The following SDK2 variants were observed in gnomAD, a reference collection of about 807,000 sequenced individuals.
SDK2 encodes the protein protein sidekick-2.
Under a neutral mutation model 253.9 loss-of-function variants are expected in SDK2, and 105 were observed. The ratio of observed to expected loss-of-function variants is 0.41; its 90% CI spans 0.35 to 0.49. The LOEUF (loss-of-function observed/expected upper bound fraction) is 0.49. Ranked by LOEUF, SDK2 falls within the 20% of genes least tolerant of loss-of-function variation. The pLI is 0.06. For missense variants in SDK2, 2,608 were observed against 3,003.0 expected, an observed-to-expected ratio of 0.87 and a Z score of 3.07; for synonymous variants, 1,249 against 1,234.9, an observed-to-expected ratio of 1.01 and a Z score of -0.24.
intron 44 of SDK2, among the ~76,000 whole-genome samples, chr17:73,346,221 A>G (rs979258725): frequency 1.3e-5 from 2 of 151,994 alleles, no homozygotes; most frequent in Admixed American, 6.6e-5. Flanking sequence ...GAAAAAAAAA[A>G]AAAAAGAAAA....
chr17:73,433,402 C>T (rs188246285), intron 10 of SDK2, among the ~76,000 whole-genome samples: 33 of 152,268 alleles, frequency 2.2e-4, no homozygotes, highest in African/African-American at 7.2e-4. Context: ...CCTATCTCAG[C>T]CCCTTCCCCA....
intron 2 of SDK2, among the ~76,000 whole-genome samples, chr17:73,489,186 C>T (rs941797980): frequency 6.6e-6 from 1 of 152,214 alleles, no homozygotes; most frequent in African/African-American, 2.4e-5. Context: ...GCTGCTGCCA[C>T]ACTTGGCTTA....
rs2046424622 is a variant in SDK2, at chr17:73,643,530, G to C, written c.64+495C>G. On this transcript the variant is annotated intron_variant, in intron 1 of 44. Coordinates refer to ENST00000392650, the MANE Select transcript of SDK2 (RefSeq NM_001144952.2). The surrounding 1 kb of genome is among the most constrained non-coding windows in gnomAD (Gnocchi z 6.9). ...GCCAAGCCGGGCAATTGCTCTCCCC[G>C]GGCGAGCAACCCGGCATCCAGCGCT... 6.6e-6 allele frequency among the ~76,000 whole-genome samples: 1 copy of C among 152,068 alleles called. No homozygotes were observed. The highest frequency in any genetic ancestry group is 2.4e-5 in the African/African-American group (1 of 41,434).
chr17:73,416,224 T>C (rs1293383981), intron 16 of SDK2, among the ~76,000 whole-genome samples: 1 of 57,102 alleles, frequency 1.8e-5, no homozygotes, highest in Non-Finnish European at 3.8e-5. Flanking sequence ...TGAGACGGAG[T>C]CTTGTTCTGT....
At chr17:73,634,992 T>G (rs938838149) in intron 1 of SDK2, among the ~76,000 whole-genome samples, 7 of 147,564 alleles carry the variant, frequency 4.7e-5, no homozygotes, top group African/African-American at 1.8e-4. Context: ...AGGTTTCTAT[T>G]TTTTTTTTTT....
At chr17:73,619,347 G>C (rs1398776135) in intron 1 of SDK2, among the ~76,000 whole-genome samples, 1 of 152,018 alleles carries the variant, frequency 6.6e-6, no homozygotes, top group African/African-American at 2.4e-5. Context: ...CCCTCCAGCA[G>C]AAATCAAAAC....
At chr17:73,500,562 C>T (rs1298896538) in intron 2 of SDK2, among the ~76,000 whole-genome samples, 1 of 150,590 alleles carries the variant, frequency 6.6e-6, no homozygotes, top group East Asian at 2.0e-4. Context: ...TCATCCTTCT[C>T]CATCCTCCCT....
chr17:73,511,455 C>T lies in SDK2; in HGVS notation c.65-3858G>A, dbSNP rs1193209324. Among the ~76,000 whole-genome samples, 2 of 152,220 alleles carry T rather than the reference C, an allele frequency of 1.3e-5. No homozygotes were observed. The highest frequency in any genetic ancestry group is 2.4e-5 in the African/African-American group (1 of 41,446). Reference sequence around the variant, plus strand: ...CGCGTTTGCCAGTTCATTCTTCAAGCCCTCCCGGGGGTGCCAGCCTGCAGC... The same window carrying T: ...CGCGTTTGCCAGTTCATTCTTCAAGTCCTCCCGGGGGTGCCAGCCTGCAGC... On this transcript the variant is annotated intron_variant, in intron 1 of 44. Transcript: ENST00000392650. The surrounding 1 kb of genome is among the most constrained non-coding windows in gnomAD (Gnocchi z 4.9).
chr17:73,509,662 G>A (rs2063963322), intron 1 of SDK2, among the ~76,000 whole-genome samples: 1 of 150,710 alleles, frequency 6.6e-6, no homozygotes, highest in Non-Finnish European at 1.5e-5. Context: ...AAGTTGGGAG[G>A]CTGAGGCAGG....
chr17:73,370,193 A>G (rs1275222285), intron 36 of SDK2, among the ~76,000 whole-genome samples: 3 of 152,202 alleles, frequency 2.0e-5, no homozygotes, highest in Non-Finnish European at 2.9e-5. Flanking sequence ...GGCAGTTAGG[A>G]CATCTTGTTA....
chr17:73,364,226 A>T (rs1211382381), intron 38 of SDK2, among the ~76,000 whole-genome samples: 1 of 152,150 alleles, frequency 6.6e-6, no homozygotes, highest in Non-Finnish European at 1.5e-5. Flanking sequence ...GCATGTTACC[A>T]GGGGTAGAAA....
At chr17:73,470,535 C>T (rs1008233163) in intron 3 of SDK2, among the ~76,000 whole-genome samples, 2 of 152,216 alleles carry the variant, frequency 1.3e-5, no homozygotes, top group Admixed American at 1.3e-4. Flanking sequence ...GGGGAGCCCT[C>T]CAGCCGCTGA....
At chr17:73,439,855 ACG>A (rs2063400271) in intron 6 of SDK2, among the ~76,000 whole-genome samples, 1 of 152,180 alleles carries the variant, frequency 6.6e-6, no homozygotes, top group Non-Finnish European at 1.5e-5. Flanking sequence ...CAGCTGGGTG[ACG>A]TTGGGCAGGC....
At position 73,401,750 on chromosome 17, in the gene SDK2, G is replaced by C. The variant is rs2063028546; in HGVS notation, c.2683C>G (p.Pro895Ala). 6.4e-7 allele frequency: 1 copy of C among 1,572,960 alleles called. No homozygotes were observed. The highest frequency in any genetic ancestry group is 1.2e-5 in the South Asian group (1 of 85,804). The change falls in exon 20 of 45, where the codon CCT (proline) becomes GCT (alanine). Residue 895 changes from proline (P) to alanine (A), a missense_variant and splice_region_variant. Pro to Ala is a conservative substitution (Grantham distance 27). Around this residue, in one of 2 missense-constraint regions of SDK2, gnomAD observed 1,505 missense variants for 1,859.1 expected, o/e 0.81. Coordinates refer to ENST00000392650, the MANE Select transcript of SDK2 (RefSeq NM_001144952.2). ...PQLVRTHEDV[P>A]GPVGHLSFSE... ...AAGCTCAGGTGTCCCACGGGCCCAG[G>C]CACTGCACCCCAAAAGGAACCCCCA... is the stretch of plus-strand genomic sequence containing the variant.
rs1439510975 is a variant in SDK2, at chr17:73,379,644, T to C, written c.4763-95A>G. ...AGGGTGGAGGCTGCAGGGGGAGGAA[T>C]GAGGCACCCCCGCCATTCTAGCCCC... On this transcript the variant is annotated intron_variant, in intron 34 of 44. Transcript: ENST00000392650. This position sits in a 1 kb window ranked among gnomAD's most constrained non-coding sequence, Gnocchi z 4.5. The C allele has an allele frequency of 1.4e-6, 1 of 727,996 alleles. No homozygotes were observed. The highest frequency in any genetic ancestry group is 1.8e-5 in the African/African-American group (1 of 56,590). The allele number at this position is 727,996 out of a possible 1,614,324, so 45.1% of individuals were successfully genotyped here. A position where few individuals can be genotyped will look rare whatever the true frequency, so the allele number is the denominator to read the frequency against.
At chr17:73,350,904 A>G in intron 41 of SDK2, 114 bp from the exon 42 acceptor site, 1 of 1,133,340 alleles carries the variant, frequency 8.8e-7, no homozygotes, top group Non-Finnish European at 1.2e-6. Context: ...CAGGGTCTGT[A>G]CCCTCCGAAT....
At chr17:73,486,928 T>C (rs1004532754) in intron 2 of SDK2, among the ~76,000 whole-genome samples, 1 of 152,062 alleles carries the variant, frequency 6.6e-6, no homozygotes, top group Non-Finnish European at 1.5e-5. Context: ...TAGCTTGACT[T>C]TGTTTTTTAT....
At chr17:73,625,687 T>C (rs965719780) in intron 1 of SDK2, among the ~76,000 whole-genome samples, 5 of 152,158 alleles carry the variant, frequency 3.3e-5, no homozygotes, top group African/African-American at 7.2e-5. Flanking sequence ...CTCTGTTGTC[T>C]AGGCTGGAGT....
chr17:73,607,114 C>G, intron 1 of SDK2, among the ~76,000 whole-genome samples: 1 of 152,154 alleles, frequency 6.6e-6, no homozygotes, highest in Non-Finnish European at 1.5e-5. Context: ...AGAAATGTGT[C>G]CTCAAGAAGA....
Sources: allele counts gnomAD v4.1 joint callset (sites outside exome capture counted in the v4.1 genomes callset), GRCh38; gene constraint gnomAD v4.1.1; regional missense constraint gnomAD v4.1.1; non-coding constraint Gnocchi (gnomAD v3.1); transcripts MANE v1.5; gene names NCBI Gene and HGNC (gene_info 2026-07-23, HGNC 2026-07-21).